The following ESRRB variants were observed in gnomAD, a reference collection of about 807,000 sequenced individuals.
The protein encoded by ESRRB is steroid hormone receptor ERR2.
A neutral mutation model predicts 46.0 loss-of-function variants in ESRRB; 16 were observed. That is an observed-to-expected ratio of 0.35 (90% CI 0.24 to 0.53). ESRRB has a LOEUF of 0.53. ESRRB is among the 20% of genes least tolerant of loss of function. The probability of loss-of-function intolerance (pLI) is 0.93; values close to 1 mark genes in which losing one functional copy is unlikely to be tolerated. For synonymous variants in ESRRB, 246 were observed against 259.6 expected, an observed-to-expected ratio of 0.95 and a Z score of 0.50; for missense variants, 488 against 607.4, an observed-to-expected ratio of 0.80 and a Z score of 2.07.
intron 1 of ESRRB, among the ~76,000 whole-genome samples, chr14:76,380,762 G>A (rs575598456): frequency 5.9e-5 from 9 of 152,250 alleles, no homozygotes; most frequent in Non-Finnish European, 1.2e-4. Flanking sequence ...GCCCCAGCTT[G>A]ACTTGAATGT....
intron 1 of ESRRB, among the ~76,000 whole-genome samples, chr14:76,359,951 G>C (rs1884443496): frequency 6.6e-6 from 1 of 152,190 alleles, no homozygotes; most frequent in African/African-American, 2.4e-5. Context: ...CTTCAGGTAT[G>C]GTTGGATCCA....
At chr14:76,420,330 G>A (rs1280203118) in intron 1 of ESRRB, among the ~76,000 whole-genome samples, 3 of 152,112 alleles carry the variant, frequency 2.0e-5, no homozygotes, top group Non-Finnish European at 4.4e-5. Flanking sequence ...AGCCAGACAG[G>A]GCAAGTGGCT....
intron 2 of ESRRB, 28 bp downstream of exon 2, chr14:76,439,778 G>T (rs1199867560): frequency 6.2e-7 from 1 of 1,609,844 alleles, no homozygotes; most frequent in East Asian, 2.2e-5. Flanking sequence ...AGGAGCCTGG[G>T]CGCAGGGTTG....
Position 76,499,150 on chromosome 14 carries a change from C to T in ESRRB, c.*692C>T. The T allele has an allele frequency of 3.9e-6, 1 of 255,040 alleles. No homozygotes were observed. Among genetic ancestry groups the T allele is most frequent in the Non-Finnish European group, 7.4e-6 (1 of 134,336 alleles). 15.8% of individuals were successfully genotyped at this position (255,040 alleles called of 1,614,324 possible). ...CCACCTGTCCTCCTCCTCTTCTCCT[C>T]CCCCCGGGAGTCCCCCGCTACTTCC... On this transcript the variant is annotated 3_prime_UTR_variant, in exon 7 of 7. Coordinates refer to ENST00000644823, the MANE Select transcript of ESRRB (RefSeq NM_001379180.1).
intron 1 of ESRRB, among the ~76,000 whole-genome samples, chr14:76,414,487 G>A (rs913732488): frequency 1.3e-5 from 2 of 151,250 alleles, no homozygotes; most frequent in African/African-American, 2.4e-5. Flanking sequence ...TTGTGCCCCT[G>A]TGGTTCCTCC....
intron 3 of ESRRB, among the ~76,000 whole-genome samples, chr14:76,478,290 G>A (rs1385568028): frequency 2.0e-5 from 3 of 152,164 alleles, no homozygotes; most frequent in Non-Finnish European, 4.4e-5. Context: ...GAGGAGGACA[G>A]AGGTACATCC....
At chr14:76,460,420 T>A (rs1358471167) in intron 2 of ESRRB, among the ~76,000 whole-genome samples, 7 of 152,248 alleles carry the variant, frequency 4.6e-5, no homozygotes, top group African/African-American at 1.7e-4. Context: ...TTGTGAGGAC[T>A]GAGGGAGCTG....
Position 76,376,442 on chromosome 14 carries a change from A to G in ESRRB, c.41A>G (p.Tyr14Cys), listed in dbSNP as rs570516819. Reference sequence around the variant, plus strand: ...CTCTGCATCCCGGACCCCCTCGGCTACCACAACCAGTAGGTGCCCTGCTTC... The same window carrying G: ...CTCTGCATCCCGGACCCCCTCGGCTGCCACAACCAGTAGGTGCCCTGCTTC... ...SELCIPDPLGYHNQLLNRMSS... is the reference protein window; with the variant it reads ...SELCIPDPLGCHNQLLNRMSS... Residue 14 changes from tyrosine to cysteine, a missense_variant, in exon 1 of 7, where the codon TAC becomes TGC. By Grantham distance (194) the Tyr-to-Cys change is radical. Coordinates refer to ENST00000644823, the MANE Select transcript of ESRRB (RefSeq NM_001379180.1). The surrounding 1 kb of genome is among the most constrained non-coding windows in gnomAD (Gnocchi z 4.1). 8.1e-7 allele frequency: 1 copy of G among 1,231,334 alleles called. No individual in the cohort carries two copies. Among genetic ancestry groups the G allele is most frequent in the East Asian group, 3.2e-5 (1 of 31,680 alleles). The allele number at this position is 1,231,334 out of a possible 1,614,324, so 76.3% of individuals were successfully genotyped here.
At position 76,342,266 on chromosome 14, in the gene ESRRB, G is replaced by A. The variant is rs148134391; in HGVS notation, c.2+31350G>A. Among the ~76,000 whole-genome samples, 957 of 152,272 alleles carry A rather than the reference G, an allele frequency of 6.3e-3. 7 individuals carry two copies. Among genetic ancestry groups the A allele is most frequent in the African/African-American group, 0.022 (926 of 41,560 alleles). On this transcript the variant is annotated intron_variant, in intron 1 of 6. Transcript: ENST00000512784. ...AGTGGCAGGAGGCTTTCCCAGGGGT[G>A]AGCAGCCTTCTCCCTCTGGCTCTCT... is the stretch of plus-strand genomic sequence containing the variant.
chr14:76,466,957 T>C (rs576935379), intron 3 of ESRRB, among the ~76,000 whole-genome samples: 48 of 151,986 alleles, frequency 3.2e-4, no homozygotes, highest in Non-Finnish European at 5.4e-4. Flanking sequence ...CTCAACCTTG[T>C]GATCTGCCCG....
At position 76,436,569 on chromosome 14, in the gene ESRRB, A is replaced by G. The variant is rs566567874; in HGVS notation, c.51-2772A>G. ...CCATCAGGAAAGCAGGAGGGGATTA[A>G]AAGTTAGGATGTGGTCAGCTCTATT... is the stretch of plus-strand genomic sequence containing the variant. On this transcript the variant is annotated intron_variant, in intron 1 of 6. Coordinates refer to ENST00000644823, the MANE Select transcript of ESRRB (RefSeq NM_001379180.1). Among the ~76,000 whole-genome samples, 8 of 152,248 alleles carry G rather than the reference A, an allele frequency of 5.3e-5. No individual in the cohort carries two copies. The East Asian group carries it at 1.5e-3, about 29-fold the overall frequency.
Position 76,462,536 on chromosome 14 carries a change from T to G in ESRRB, c.461-9T>G. 6.2e-7 allele frequency: 1 copy of G among 1,610,014 alleles called. No homozygotes were observed. The highest frequency in any genetic ancestry group is 8.5e-7 in the Non-Finnish European group (1 of 1,176,488). On this transcript the variant is annotated splice_polypyrimidine_tract_variant and intron_variant, in intron 2 of 6. Transcript: ENST00000644823. ...AGCACCCGGCAACCCTCTCTGTGTCTGGTTGCAGGGAACATTGAGTACAGC... is the reference window on the plus strand; with the variant it reads ...AGCACCCGGCAACCCTCTCTGTGTCGGGTTGCAGGGAACATTGAGTACAGC...
intron 1 of ESRRB, among the ~76,000 whole-genome samples, chr14:76,318,165 C>A (rs1831269905): frequency 6.6e-6 from 1 of 152,186 alleles, no homozygotes; most frequent in Non-Finnish European, 1.5e-5. Context: ...CAGTCTTCCA[C>A]CCCAGCAGTC....
In ESRRB at chr14:76,484,677, TTCTCTGTGCCTTTCCACCTCCCAGC is replaced by T. The variant is rs563817828; in HGVS notation, c.850+1921_850+1945del. On this transcript the variant is annotated intron_variant, in intron 5 of 6. Coordinates refer to ENST00000644823, the MANE Select transcript of ESRRB (RefSeq NM_001379180.1). The stretch of plus-strand genomic sequence containing the variant: ...GACCCTGTCTCCCCTGCACTCATTT[TTCTCTGTGCCTTTCCACCTCCCAGC>T]TCCATCTCCCATCTGTGACCAACCA... 1.9e-3 allele frequency among the ~76,000 whole-genome samples: 286 copies of T among 152,342 alleles called. 1 individual carries two copies. Among genetic ancestry groups the T allele is most frequent in the African/African-American group, 6.5e-3 (271 of 41,580 alleles).
At chr14:76,436,401 G>C (rs1365454154) in intron 1 of ESRRB, among the ~76,000 whole-genome samples, 1 of 152,212 alleles carries the variant, frequency 6.6e-6, no homozygotes, top group Non-Finnish European at 1.5e-5. Flanking sequence ...TTTATGTCAA[G>C]TGTATCTCCT....
intron 3 of ESRRB, among the ~76,000 whole-genome samples, chr14:76,462,906 A>G (rs975629793): frequency 4.6e-5 from 7 of 152,142 alleles, no homozygotes; most frequent in Non-Finnish European, 1.0e-4. Flanking sequence ...CTTGGGCCCC[A>G]GTGGGCCTGG....
chr14:76,332,647 TTATATAAATATATATTA>T (rs1884035302), intron 1 of ESRRB, among the ~76,000 whole-genome samples: 8 of 44,016 alleles, frequency 1.8e-4, no homozygotes, highest in Non-Finnish European at 2.6e-4. Context: ...TATTTATATA[TTATATAAATATATATTA>T]TATATATTTA....
chr14:76,403,946 T>C (rs1383617890), intron 1 of ESRRB, among the ~76,000 whole-genome samples: 1 of 152,102 alleles, frequency 6.6e-6, no homozygotes, highest in Admixed American at 6.5e-5. Flanking sequence ...CCCGAACTCC[T>C]GACTTCAGGT....
intron 1 of ESRRB, among the ~76,000 whole-genome samples, chr14:76,323,305 TC>T: frequency 7.0e-6 from 1 of 142,192 alleles, no homozygotes; most frequent in African/African-American, 2.6e-5. Flanking sequence ...TCTCTCTTTC[TC>T]TTTTTTTTTT....
Sources: gnomAD v4.1 joint callset for allele counts (sites outside exome capture counted in the v4.1 genomes callset) on GRCh38, gnomAD v4.1.1 for gene constraint, Gnocchi (gnomAD v3.1) non-coding constraint, MANE v1.5 for transcripts, NCBI Gene and HGNC (gene_info 2026-07-23, HGNC 2026-07-21) for gene names.